The following PRKCE variants were observed in gnomAD, a reference collection of about 807,000 sequenced individuals.
PRKCE encodes protein kinase C epsilon type.
In PRKCE, 16 loss-of-function variants were observed where a neutral mutation model predicts 85.4. The observed-to-expected ratio is 0.19, with a 90% CI of 0.13 to 0.28. PRKCE has a LOEUF of 0.28. Among genes scored for constraint, PRKCE ranks in the 10% least tolerant of loss-of-function variants. The pLI is 1.00. For missense variants in PRKCE, 573 were observed against 975.2 expected (o/e 0.59, Z 5.49); for synonymous variants, 388 against 371.5 (o/e 1.04, Z -0.51).
chr2:45,857,652 A>G (rs1011574810), intron 2 of PRKCE, among the ~76,000 whole-genome samples: 11 of 152,044 alleles, frequency 7.2e-5, no homozygotes, highest in African/African-American at 1.2e-4. Flanking sequence ...AGCTCAAGCA[A>G]TCTGCCTGCC....
chr2:46,097,559 G>A lies in PRKCE; in HGVS notation c.1592+11197G>A, dbSNP rs113058290. On this transcript the variant is annotated intron_variant, in intron 11 of 14. Transcript: ENST00000306156. ...AAAAGCTGTGAAGTCTGACTTTGGT[G>A]TCTTGACTTCCCTGTTGGGCTCCCT... 2.6e-3 allele frequency among the ~76,000 whole-genome samples: 394 copies of A among 149,208 alleles called. 10 individuals carry two copies. The highest frequency in any genetic ancestry group is 9.2e-3 in the African/African-American group (374 of 40,722).
At chr2:45,878,332 C>T (rs186646450) in intron 2 of PRKCE, among the ~76,000 whole-genome samples, 40 of 152,338 alleles carry the variant, frequency 2.6e-4, no homozygotes, top group African/African-American at 9.4e-4. Flanking sequence ...AGTCCACAGC[C>T]ACCTTATAAC....
intron 2 of PRKCE, among the ~76,000 whole-genome samples, chr2:45,967,910 C>T (rs1475974005): frequency 4.6e-5 from 7 of 152,118 alleles, no homozygotes; most frequent in Admixed American, 4.6e-4. Flanking sequence ...TTCAACCATA[C>T]TGGCAGAAAG....
intron 11 of PRKCE, among the ~76,000 whole-genome samples, chr2:46,106,129 T>C (rs1426227406): frequency 1.3e-5 from 2 of 152,220 alleles, no homozygotes; most frequent in Admixed American, 6.5e-5. Context: ...TTTTCCAATA[T>C]ATTTATTGAA....
chr2:46,140,617 G>A (rs1283511394), intron 11 of PRKCE, among the ~76,000 whole-genome samples: 9 of 152,136 alleles, frequency 5.9e-5, no homozygotes, highest in Non-Finnish European at 1.3e-4. Flanking sequence ...TTTGAAATGG[G>A]TAAAGCCTTT....
intron 1 of PRKCE, among the ~76,000 whole-genome samples, chr2:45,772,839 T>G (rs1484200436): frequency 6.6e-6 from 1 of 152,020 alleles, no homozygotes. Context: ...ATTCTTAGCA[T>G]GGAAAGGCAT....
chr2:46,113,398 A>G (rs1306149596), intron 11 of PRKCE, among the ~76,000 whole-genome samples: 1 of 152,194 alleles, frequency 6.6e-6, no homozygotes, highest in Non-Finnish European at 1.5e-5. Flanking sequence ...GAAAATATTT[A>G]TACTAATACC....
intron 11 of PRKCE, among the ~76,000 whole-genome samples, chr2:46,116,243 G>C (rs1187195598): frequency 1.3e-5 from 2 of 152,228 alleles, no homozygotes; most frequent in African/African-American, 4.8e-5. Context: ...CAACTTCAGA[G>C]AGATGACCAC....
intron 1 of PRKCE, among the ~76,000 whole-genome samples, chr2:45,661,772 C>A (rs1675673474): frequency 6.6e-6 from 1 of 150,796 alleles, no homozygotes; most frequent in African/African-American, 2.4e-5. Flanking sequence ...ATCTCCTCAC[C>A]TCATGATCCA....
At chr2:45,718,547 T>C (rs1417735865) in intron 1 of PRKCE, among the ~76,000 whole-genome samples, 3 of 152,066 alleles carry the variant, frequency 2.0e-5, no homozygotes, top group Non-Finnish European at 2.9e-5. Flanking sequence ...TCTCACCATG[T>C]TGGCCAGGAT....
At chr2:46,150,901 A>G (rs949659780) in intron 12 of PRKCE, 140 bp from the exon 13 acceptor site, 5 of 684,232 alleles carry the variant, frequency 7.3e-6, no homozygotes, top group Non-Finnish European at 9.2e-6. Flanking sequence ...GAATTTGCTG[A>G]TTTAGAACTT....
chr2:45,865,668 T>C (rs1460912299), intron 2 of PRKCE, among the ~76,000 whole-genome samples: 1 of 152,212 alleles, frequency 6.6e-6, no homozygotes, highest in Non-Finnish European at 1.5e-5. Flanking sequence ...CTTTCCAACA[T>C]GTGAGGCTGC....
intron 2 of PRKCE, among the ~76,000 whole-genome samples, chr2:45,957,269 T>C (rs1470831783): frequency 1.3e-5 from 2 of 152,274 alleles, no homozygotes; most frequent in Non-Finnish European, 2.9e-5. Context: ...TACGTTTTTG[T>C]CCATGATCTA....
intron 1 of PRKCE, among the ~76,000 whole-genome samples, chr2:45,740,754 C>G (rs1009561894): frequency 2.6e-5 from 4 of 152,228 alleles, no homozygotes; most frequent in Middle Eastern, 3.2e-3. Flanking sequence ...ACTACACTCC[C>G]AAATGTTTCA....
At chr2:46,183,077 C>G (rs1680155596) in intron 14 of PRKCE, among the ~76,000 whole-genome samples, 1 of 152,198 alleles carries the variant, frequency 6.6e-6, no homozygotes, top group Admixed American at 6.5e-5. Flanking sequence ...ATCAAATGAG[C>G]GAATAAATGC....
intron 1 of PRKCE, among the ~76,000 whole-genome samples, chr2:45,704,431 G>C (rs138090491): frequency 6.6e-6 from 1 of 152,180 alleles, no homozygotes; most frequent in Non-Finnish European, 1.5e-5. Flanking sequence ...CTTTTTGTTA[G>C]CTACTCCAGG....
chr2:45,966,865 G>A (rs1280573996), intron 2 of PRKCE, among the ~76,000 whole-genome samples: 1 of 152,128 alleles, frequency 6.6e-6, no homozygotes, highest in African/African-American at 2.4e-5. Context: ...AGGTTCTGCA[G>A]GGTCAGGGAT....
chr2:45,872,307 A>C lies in PRKCE; in HGVS notation c.412+29244A>C, dbSNP rs80154006. Among the ~76,000 whole-genome samples the C allele has an allele frequency of 5.6e-3, 846 of 152,314 alleles. 8 individuals are homozygous for C. Among genetic ancestry groups the C allele is most frequent in the African/African-American group, 0.019 (772 of 41,546 alleles). Reference sequence around the variant, plus strand: ...AGTGCAAAGACCCTGCAAGCAAAGAAGTAGCCTGACTGGAACAGAGCATGA... The same window carrying C: ...AGTGCAAAGACCCTGCAAGCAAAGACGTAGCCTGACTGGAACAGAGCATGA... On this transcript the variant is annotated intron_variant, in intron 2 of 14. Coordinates refer to ENST00000306156, the MANE Select transcript of PRKCE (RefSeq NM_005400.3).
chr2:46,094,671 A>G (rs1486834275), intron 11 of PRKCE, among the ~76,000 whole-genome samples: 1 of 152,168 alleles, frequency 6.6e-6, no homozygotes, highest in Non-Finnish European at 1.5e-5. Context: ...ATCAGAAAGA[A>G]TAGCTAATGG....
Sources: allele counts gnomAD v4.1 joint callset (sites outside exome capture counted in the v4.1 genomes callset), GRCh38; gene constraint gnomAD v4.1.1; transcripts MANE v1.5; gene names NCBI Gene and HGNC (gene_info 2026-07-23, HGNC 2026-07-21).